Variants in IL7 observed in about 807,000 individuals in gnomAD.
IL7 encodes interleukin-7.
Under a neutral mutation model 21.6 loss-of-function variants are expected in IL7, and 3 were observed. The ratio of observed to expected loss-of-function variants is 0.14; its 90% confidence interval spans 0.06 to 0.36. The LOEUF (loss-of-function observed/expected upper bound fraction) is 0.36, where lower values mean the gene tolerates loss of function less well. IL7 is among the 10% of genes least tolerant of loss of function. IL7 has a pLI of 1.00. For synonymous variants in IL7, 62 were observed against 68.1 expected, an observed-to-expected ratio of 0.91 and a Z score of 0.44; for missense variants, 175 against 200.2, an observed-to-expected ratio of 0.87 and a Z score of 0.76.
intron 4 of IL7, among the ~76,000 whole-genome samples, chr8:78,676,762 A>AT (rs886668332): frequency 6.6e-6 from 1 of 151,724 alleles, no homozygotes; most frequent in African/African-American, 2.4e-5. Context: ...ACATTCAATG[A>AT]TTTTTTTCTT....
intron 3 of IL7, among the ~76,000 whole-genome samples, chr8:78,689,652 T>C (rs6990105): frequency 0.78 from 118,695 of 151,682 alleles, 46,804 homozygotes; most frequent in East Asian, 0.91. Context: ...TATAAAAACA[T>C]TATATATATG....
intron 2 of IL7, among the ~76,000 whole-genome samples, chr8:78,765,780 A>G (rs1812737222): frequency 1.3e-5 from 2 of 152,144 alleles, no homozygotes; most frequent in Non-Finnish European, 2.9e-5. Context: ...GTGGTCTTCT[A>G]CAAAACTAAA....
At chr8:78,715,107 C>A, downstream of IL7, 1 of 869,052 alleles carries the variant, frequency 1.2e-6, no homozygotes, top group Non-Finnish European at 1.7e-6. Flanking sequence ...GGACTTTAAT[C>A]TTTTGAACTT....
At chr8:78,716,591 A>G (rs1269039952), downstream of IL7, among the ~76,000 whole-genome samples, 1 of 152,194 alleles carries the variant, frequency 6.6e-6, no homozygotes, top group Non-Finnish European at 1.5e-5. Flanking sequence ...TTGAAACCTA[A>G]GGATCTCTAT....
chr8:78,764,439 T>A (rs1812684581), intron 2 of IL7, among the ~76,000 whole-genome samples: 2 of 152,040 alleles, frequency 1.3e-5, no homozygotes, highest in Non-Finnish European at 2.9e-5. Flanking sequence ...AAAATTTTTT[T>A]AAATTGGTAA....
chr8:78,731,162 T>G (rs1157654421), downstream of IL7, among the ~76,000 whole-genome samples: 2 of 151,930 alleles, frequency 1.3e-5, no homozygotes, highest in Non-Finnish European at 2.9e-5. Context: ...GCAAAGAAAC[T>G]TTTCTAGTTC....
chr8:78,718,509 T>C (rs991609442), intron 6 of IL7: 2 of 152,050 alleles, frequency 1.3e-5, no homozygotes, highest in Middle Eastern at 3.4e-3. Context: ...AATTTTTTTT[T>C]CTTGGAAGTA....
At chr8:78,729,516 A>G (rs1216541524), downstream of IL7, among the ~76,000 whole-genome samples, 2 of 152,036 alleles carry the variant, frequency 1.3e-5, no homozygotes, top group African/African-American at 4.8e-5. Flanking sequence ...TTAAGCAGCA[A>G]GATGCATTAA....
intron 1 of IL7, among the ~76,000 whole-genome samples, chr8:78,801,192 G>A (rs1045739917): frequency 2.0e-5 from 3 of 152,022 alleles, no homozygotes; most frequent in African/African-American, 7.2e-5. Context: ...AAAGCACAGA[G>A]GTTTTGGAAT....
At chr8:78,727,082 G>T (rs1470388215) in intron 3 of IL7, among the ~76,000 whole-genome samples, 1 of 151,868 alleles carries the variant, frequency 6.6e-6, no homozygotes, top group Admixed American at 6.6e-5. Context: ...TACATCTGTG[G>T]GCCTCTATGC....
chr8:78,742,270 G>A (rs1023443096), intron 2 of IL7, among the ~76,000 whole-genome samples: 1 of 152,138 alleles, frequency 6.6e-6, no homozygotes, highest in African/African-American at 2.4e-5. Context: ...CTTGCAGTGA[G>A]CTGAGATCAC....
downstream of IL7, among the ~76,000 whole-genome samples, chr8:78,728,046 TAGTC>T (rs1219771586): frequency 6.6e-6 from 1 of 152,026 alleles, no homozygotes; most frequent in Non-Finnish European, 1.5e-5. Flanking sequence ...CCCAAATAAA[TAGTC>T]ATGCATATAT....
chr8:78,745,431 TCCAAAATCCAAAGAACA>T (rs1563417585), intron 2 of IL7, among the ~76,000 whole-genome samples: 36 of 152,024 alleles, frequency 2.4e-4, no homozygotes, highest in African/African-American at 7.3e-4. Flanking sequence ...TCTGTATTTC[TCCAAAATCCAAAGAACA>T]TTTGTTTCTT....
At chr8:78,802,009 A>T (rs1024856778) in intron 1 of IL7, among the ~76,000 whole-genome samples, 7 of 152,224 alleles carry the variant, frequency 4.6e-5, no homozygotes, top group Non-Finnish European at 7.3e-5. Flanking sequence ...CGAAAAGATA[A>T]ACCATAGGAA....
At chr8:78,772,747 A>G (rs1328030162) in intron 2 of IL7, among the ~76,000 whole-genome samples, 1 of 152,216 alleles carries the variant, frequency 6.6e-6, no homozygotes, top group Non-Finnish European at 1.5e-5. Context: ...ACTGAATTAA[A>G]TATGAGCTAC....
chr8:78,705,138 A>T (rs1423450593), intron 3 of IL7, among the ~76,000 whole-genome samples: 4 of 152,136 alleles, frequency 2.6e-5, no homozygotes, highest in African/African-American at 9.7e-5. Flanking sequence ...TTCTGAGGAG[A>T]TTCTCAGCCT....
At chr8:78,756,814 C>A (rs1367612451) in intron 2 of IL7, among the ~76,000 whole-genome samples, 3 of 150,926 alleles carry the variant, frequency 2.0e-5, no homozygotes, top group Non-Finnish European at 4.4e-5. Flanking sequence ...TTATGTTTAT[C>A]TTTTCAAGAA....
At chr8:78,735,975 T>C (rs1811578901) in intron 5 of IL7, among the ~76,000 whole-genome samples, 2 of 151,398 alleles carry the variant, frequency 1.3e-5, no homozygotes, top group Non-Finnish European at 2.9e-5. Context: ...TTGTATAATT[T>C]ATCTAATAAT....
intron 4 of IL7, among the ~76,000 whole-genome samples, chr8:78,677,263 C>T (rs1017991756): frequency 1.3e-5 from 2 of 151,884 alleles, no homozygotes; most frequent in African/African-American, 4.8e-5. Context: ...GAATGTTTAT[C>T]CAGTTGGCTT....
Sources: gnomAD v4.1 joint callset for allele counts (sites outside exome capture counted in the v4.1 genomes callset) on GRCh38, gnomAD v4.1.1 for gene constraint, MANE v1.5 for transcripts, NCBI Gene and HGNC (gene_info 2026-07-23, HGNC 2026-07-21) for gene names.